The following FUT8 variants were observed in gnomAD, a reference collection of about 807,000 sequenced individuals.
FUT8 encodes the protein alpha-(1,6)-fucosyltransferase.
FUT8 carries 29 observed loss-of-function variants against 71.3 expected under a neutral mutation model. The observed-to-expected ratio is 0.41, with a 90% CI of 0.30 to 0.55. FUT8 has a LOEUF of 0.55. FUT8 is among the 20% of genes least tolerant of loss of function. The pLI is 0.34. For synonymous variants in FUT8, 254 were observed against 239.3 expected, an observed-to-expected ratio of 1.06 and a Z score of -0.57; for missense variants, 544 against 702.1, an observed-to-expected ratio of 0.77 and a Z score of 2.55.
At chr14:65,738,704 A>C (rs1166323306) in intron 10 of FUT8, among the ~76,000 whole-genome samples, 1 of 152,084 alleles carries the variant, frequency 6.6e-6, no homozygotes, top group Non-Finnish European at 1.5e-5. Flanking sequence ...TAAGGAAAGA[A>C]GAGAGGAAGC....
At chr14:65,546,560 CA>C (rs1346813905) in intron 2 of FUT8, among the ~76,000 whole-genome samples, 1 of 151,650 alleles carries the variant, frequency 6.6e-6, no homozygotes, top group East Asian at 1.9e-4. Context: ...TTTGTTTATC[CA>C]TTCACCTGCT....
intron 7 of FUT8, among the ~76,000 whole-genome samples, chr14:65,671,641 A>G (rs1892486053): frequency 6.6e-6 from 1 of 152,208 alleles, no homozygotes; most frequent in South Asian, 2.1e-4. Flanking sequence ...AGAGGCACAG[A>G]AACTGCCTGG....
At chr14:65,364,541 G>T in the FUT8 span, among the ~76,000 whole-genome samples, 4 of 152,106 alleles carry the variant, frequency 2.6e-5, no homozygotes, top group Non-Finnish European at 4.4e-5. Flanking sequence ...AGTGCAAGGC[G>T]CCCTTATCGT....
At chr14:65,595,037 G>A (rs1474229701) in intron 3 of FUT8, among the ~76,000 whole-genome samples, 1 of 152,160 alleles carries the variant, frequency 6.6e-6, no homozygotes, top group South Asian at 2.1e-4. Context: ...ACTCGAAGTT[G>A]GGATTTTGCC....
chr14:65,704,564 A>G lies in FUT8; in HGVS notation c.836-17211A>G, dbSNP rs1417216200. On this transcript the variant is annotated intron_variant, in intron 7 of 10. Coordinates refer to ENST00000673929, the MANE Select transcript of FUT8 (RefSeq NM_001371533.1). Reference sequence around the variant, plus strand: ...TTATTTAAAAAAAATAGAACAAACAAAAAAACTCCCTCAAACGTCTAGCCA... The same window carrying G: ...TTATTTAAAAAAAATAGAACAAACAGAAAAACTCCCTCAAACGTCTAGCCA... Among the ~76,000 whole-genome samples, 4 of 152,150 alleles carry G rather than the reference A, an allele frequency of 2.6e-5. No homozygotes were observed. In the South Asian group the frequency reaches 6.2e-4, roughly 24 times the overall value.
At chr14:65,518,078 A>G (rs1159414028) in intron 2 of FUT8, among the ~76,000 whole-genome samples, 1 of 152,168 alleles carries the variant, frequency 6.6e-6, no homozygotes, top group African/African-American at 2.4e-5. Context: ...TCTTTTATGA[A>G]TTTAGTCATA....
At chr14:65,539,092 A>C (rs1229489112) in intron 2 of FUT8, among the ~76,000 whole-genome samples, 3 of 152,248 alleles carry the variant, frequency 2.0e-5, no homozygotes, top group African/African-American at 4.8e-5. Flanking sequence ...CATTTGTGAG[A>C]AAACTCACAT....
At chr14:65,686,046 G>A (rs760670290) in intron 7 of FUT8, among the ~76,000 whole-genome samples, 8 of 152,210 alleles carry the variant, frequency 5.3e-5, no homozygotes, top group Non-Finnish European at 1.0e-4. Flanking sequence ...CCCTATTCAA[G>A]TTGGAGTTGC....
Position 65,723,965 on chromosome 14 carries a change from A to G in FUT8, c.1083-182A>G, listed in dbSNP as rs574679143. Among the ~76,000 whole-genome samples, 5 of 152,338 alleles carry G rather than the reference A, an allele frequency of 3.3e-5. 1 individual carries two copies. In the South Asian group the frequency reaches 8.3e-4, roughly 25 times the overall value. On this transcript the variant is annotated intron_variant, in intron 8 of 10. Transcript: ENST00000673929. ...CTTGTATTGTTTAGCCTGCAAATAT[A>G]TTTAGAATATGTATTTTTGAGTTTT... is the stretch of plus-strand genomic sequence containing the variant.
At chr14:65,700,413 C>G (rs111810177) in intron 7 of FUT8, among the ~76,000 whole-genome samples, 8 of 44,598 alleles carry the variant, frequency 1.8e-4, no homozygotes, top group Non-Finnish European at 3.3e-4. Flanking sequence ...TTTTTTGAGA[C>G]GGAGTCTTGC....
At position 65,477,616 on chromosome 14, in the gene FUT8, AT is replaced by A. The variant is rs1008752376; in HGVS notation, c.-228+21908del. On this transcript the variant is annotated intron_variant, in intron 2 of 10. Transcript: ENST00000673929. ...TAATCAAGTGACTACAGCTTTGCTA[AT>A]TTTTTTTTTGAAAAACCCTAATATT... Among the ~76,000 whole-genome samples, 87 of 150,618 alleles carry A rather than the reference AT, an allele frequency of 5.8e-4. No individual in the cohort carries two copies. In the South Asian group the frequency reaches 0.017, roughly 30 times the overall value.
intron 2 of FUT8, among the ~76,000 whole-genome samples, chr14:65,555,161 GACTATA>G (rs1226595750): frequency 1.3e-5 from 2 of 152,154 alleles, no homozygotes; most frequent in Non-Finnish European, 2.9e-5. Flanking sequence ...ATGTGACAGT[GACTATA>G]TATGCCTCAC....
intron 6 of FUT8, among the ~76,000 whole-genome samples, chr14:65,636,968 A>G (rs1890589916): frequency 6.6e-6 from 1 of 152,242 alleles, no homozygotes. Flanking sequence ...TCAGGCTCAA[A>G]TAGAATGGAT....
At chr14:65,525,419 T>C (rs1883386452) in intron 2 of FUT8, among the ~76,000 whole-genome samples, 1 of 152,270 alleles carries the variant, frequency 6.6e-6, no homozygotes, top group Non-Finnish European at 1.5e-5. Flanking sequence ...ATCCCCTTTA[T>C]CATTTTTTAT....
intron 2 of FUT8, among the ~76,000 whole-genome samples, chr14:65,528,508 A>G (rs554351200): frequency 1.3e-5 from 2 of 152,282 alleles, no homozygotes; most frequent in South Asian, 4.1e-4. Flanking sequence ...AGGTGAAGCG[A>G]TGCCTCACCC....
chr14:65,642,141 A>G (rs1371393688), intron 6 of FUT8, among the ~76,000 whole-genome samples: 2 of 152,170 alleles, frequency 1.3e-5, no homozygotes, highest in East Asian at 3.8e-4. Context: ...GGTTTCTTCT[A>G]GGAATTGTAT....
At chr14:65,393,637 G>C in the FUT8 span, among the ~76,000 whole-genome samples, 66 of 152,272 alleles carry the variant, frequency 4.3e-4, no homozygotes, top group African/African-American at 1.5e-3. Flanking sequence ...AATGGCCTTA[G>C]CAGAGCTTGC....
chr14:65,722,105 T>A, intron 8 of FUT8, 84 bp downstream of exon 8: 1 of 1,502,612 alleles, frequency 6.7e-7, no homozygotes, highest in South Asian at 1.3e-5. Context: ...AATTTTACAA[T>A]ATGTAGTTCA....
chr14:65,702,644 T>G (rs538921526), intron 7 of FUT8, among the ~76,000 whole-genome samples: 10 of 152,144 alleles, frequency 6.6e-5, no homozygotes, highest in Non-Finnish European at 1.2e-4. Context: ...TATAGGAGTA[T>G]CGTAAAATGA....
Sources: allele counts gnomAD v4.1 joint callset (sites outside exome capture counted in the v4.1 genomes callset), GRCh38; gene constraint gnomAD v4.1.1; transcripts MANE v1.5; gene names NCBI Gene and HGNC (gene_info 2026-07-23, HGNC 2026-07-21).